The following FRMPD4 variants were observed in gnomAD, a reference collection of about 807,000 sequenced individuals.
FRMPD4 encodes the protein FERM and PDZ domain-containing protein 4.
A neutral mutation model predicts 94.1 loss-of-function variants in FRMPD4; 22 were observed. The ratio of observed to expected loss-of-function variants is 0.23; its 90% CI spans 0.17 to 0.33. The LOEUF (loss-of-function observed/expected upper bound fraction) is 0.33, where lower values mean the gene tolerates loss of function less well. Among genes scored for constraint, FRMPD4 ranks in the 10% least tolerant of loss-of-function variants. The probability of loss-of-function intolerance (pLI) is 1.00; values close to 1 mark genes in which losing one functional copy is unlikely to be tolerated. For missense variants in FRMPD4, 1,111 were observed against 1,339.9 expected (o/e 0.83, Z 2.67); for synonymous variants, 631 against 548.6 (o/e 1.15, Z -2.10).
chrX:12,308,713 C>G (rs1369810851), intron 1 of FRMPD4, among the ~76,000 whole-genome samples: 1 of 111,623 alleles, frequency 9.0e-6, no homozygotes, highest in African/African-American at 3.3e-5. Flanking sequence ...GAACAATGTG[C>G]ACTCTTCAGA....
chrX:12,636,799 C>CATTATTCTT (rs1475619358), intron 4 of FRMPD4, among the ~76,000 whole-genome samples: 2 of 111,475 alleles, frequency 1.8e-5, no homozygotes, highest in East Asian at 5.6e-4. Context: ...TATTTATATC[C>CATTATTCTT]ATTGATGATA....
chrX:12,034,391 A>G (rs988775292), intron 3 of FRMPD4, among the ~76,000 whole-genome samples: 1 of 111,924 alleles, frequency 8.9e-6, no homozygotes, highest in Admixed American at 9.4e-5. Context: ...CATTTCCTAA[A>G]CATTATCTGT....
At chrX:12,263,803 T>A (rs7888216) in intron 1 of FRMPD4, among the ~76,000 whole-genome samples, 5,115 of 108,332 alleles carry the variant, frequency 0.047, 301 homozygotes, top group African/African-American at 0.16. Flanking sequence ...AAAAAAAAAA[T>A]TTTTCACAGC....
chrX:12,390,589 A>G (rs1467566264), intron 1 of FRMPD4, among the ~76,000 whole-genome samples: 2 of 105,610 alleles, frequency 1.9e-5, no homozygotes, highest in East Asian at 5.8e-4. Flanking sequence ...TCTTAGTCAC[A>G]TTTGGGACCT....
At chrX:12,448,816 C>G (rs1275540255) in intron 1 of FRMPD4, among the ~76,000 whole-genome samples, 1 of 111,836 alleles carries the variant, frequency 8.9e-6, no homozygotes, top group East Asian at 2.8e-4. Flanking sequence ...CACATCTGAT[C>G]TCATGTCAGT....
chrX:12,045,499 C>T (rs1046726193), intron 3 of FRMPD4, among the ~76,000 whole-genome samples: 2 of 110,720 alleles, frequency 1.8e-5, no homozygotes, highest in African/African-American at 6.6e-5. Flanking sequence ...TTTGAGGCTC[C>T]TAGATAATAT....
chrX:12,170,819 T>C (rs1847642106), intron 1 of FRMPD4, among the ~76,000 whole-genome samples: 1 of 112,880 alleles, frequency 8.9e-6, no homozygotes, highest in Non-Finnish European at 1.9e-5. Context: ...CTCTCCTCTT[T>C]CCTGTACATA....
intron 1 of FRMPD4, among the ~76,000 whole-genome samples, chrX:12,391,725 G>A (rs190013386): frequency 7.3e-4 from 81 of 111,261 alleles, no homozygotes; most frequent in Admixed American, 5.7e-3. Context: ...ACCTAGGTGA[G>A]CTCCTCAGGG....
intron 3 of FRMPD4, among the ~76,000 whole-genome samples, chrX:11,922,279 G>T (rs2054061532): frequency 1.8e-5 from 2 of 111,479 alleles, no homozygotes; most frequent in African/African-American, 6.5e-5. Context: ...GGGGGAGCAG[G>T]CATATCACAT....
intron 1 of FRMPD4, among the ~76,000 whole-genome samples, chrX:12,243,042 G>A (rs921071189): frequency 8.9e-6 from 1 of 111,981 alleles, no homozygotes; most frequent in Non-Finnish European, 1.9e-5. Flanking sequence ...CCTGGCCCCA[G>A]CTAATTAAAA....
Position 11,867,989 on chromosome X carries a change from C to T in FRMPD4, c.-30+2773C>T, listed in dbSNP as rs146912598. Among the ~76,000 whole-genome samples, 568 of 111,891 alleles carry T rather than the reference C, an allele frequency of 5.1e-3. 3 individuals are homozygous for T. The highest frequency in any genetic ancestry group is 8.1e-3 in the Non-Finnish European group (428 of 53,119). On this transcript the variant is annotated intron_variant, in intron 2 of 18. Transcript: ENST00000640291. Reference sequence around the variant, plus strand: ...TTTATGTAGCCCATTTCTCTCTTTCCGCAGCCCCTACTCTTTGTTCCATTA... The same window carrying T: ...TTTATGTAGCCCATTTCTCTCTTTCTGCAGCCCCTACTCTTTGTTCCATTA...
At chrX:12,085,377 T>TA (rs2055099783) in intron 3 of FRMPD4, among the ~76,000 whole-genome samples, 1 of 111,454 alleles carries the variant, frequency 9.0e-6, no homozygotes, top group African/African-American at 3.3e-5. Flanking sequence ...ATGAATTTTT[T>TA]TAAAAAAATA....
chrX:12,055,976 C>G (rs1305121991), intron 3 of FRMPD4, among the ~76,000 whole-genome samples: 4 of 111,524 alleles, frequency 3.6e-5, no homozygotes, highest in Non-Finnish European at 5.7e-5. Context: ...TCCCAAGTTC[C>G]TCCTCCTCCT....
At chrX:12,086,921 A>T in intron 3 of FRMPD4, among the ~76,000 whole-genome samples, 1 of 111,143 alleles carries the variant, frequency 9.0e-6, no homozygotes, top group South Asian at 3.9e-4. Context: ...TATAAGACTG[A>T]GGTCCCCACT....
chrX:12,063,097 T>C (rs1214270419), intron 3 of FRMPD4, among the ~76,000 whole-genome samples: 1 of 112,109 alleles, frequency 8.9e-6, no homozygotes, highest in Non-Finnish European at 1.9e-5. Context: ...CTACTAGGCA[T>C]AGTGGCTCAT....
At chrX:12,099,581 T>C (rs2055236834) in intron 3 of FRMPD4, among the ~76,000 whole-genome samples, 1 of 112,081 alleles carries the variant, frequency 8.9e-6, no homozygotes, top group Admixed American at 9.5e-5. Context: ...AGCTTCTCAC[T>C]GAAATACCAG....
chrX:12,294,809 G>A (rs1372885879), intron 1 of FRMPD4, among the ~76,000 whole-genome samples: 1 of 111,103 alleles, frequency 9.0e-6, no homozygotes, highest in African/African-American at 3.3e-5. Context: ...AGAAGGCTGG[G>A]CGATAGCGCT....
intron 1 of FRMPD4, among the ~76,000 whole-genome samples, chrX:12,477,992 C>CA (rs2057625203): frequency 1.8e-5 from 2 of 112,070 alleles, no homozygotes; most frequent in Admixed American, 1.9e-4. Context: ...TTGGAGCACT[C>CA]AACCGCCTGT....
chrX:12,168,340 G>A (rs1244554531), intron 1 of FRMPD4, among the ~76,000 whole-genome samples: 1 of 99,155 alleles, frequency 1.0e-5, no homozygotes, highest in African/African-American at 3.7e-5. Flanking sequence ...GGCTTATCCT[G>A]CTAATAGGGA....
Sources: gnomAD v4.1 joint callset for allele counts (sites outside exome capture counted in the v4.1 genomes callset) on GRCh38, gnomAD v4.1.1 for gene constraint, MANE v1.5 for transcripts, NCBI Gene and HGNC (gene_info 2026-07-23, HGNC 2026-07-21) for gene names.